FAM76B: variants seen among roughly 807,000 people sequenced by gnomAD.
FAM76B encodes the protein protein FAM76B.
FAM76B carries 16 observed loss-of-function variants against 51.8 expected under a neutral mutation model. The observed-to-expected ratio is 0.31, with a 90% CI of 0.21 to 0.47. The LOEUF (loss-of-function observed/expected upper bound fraction) is 0.47. Ranked by LOEUF, FAM76B falls within the 20% of genes least tolerant of loss-of-function variation. FAM76B has a pLI of 1.00. For synonymous variants in FAM76B, 166 were observed against 129.5 expected (o/e 1.28, Z -1.91); for missense variants, 342 against 392.6 (o/e 0.87, Z 1.09).
At chr11:95,775,380 G>A (rs1859953363) in intron 9 of FAM76B, among the ~76,000 whole-genome samples, 1 of 151,366 alleles carries the variant, frequency 6.6e-6, no homozygotes, top group Non-Finnish European at 1.5e-5. Flanking sequence ...GCAGTACTCT[G>A]AGGTTCAGGT....
intron 3 of FAM76B, chr11:95,786,495 G>C (rs144140679): frequency 1.7e-5 from 7 of 422,762 alleles, no homozygotes; most frequent in Non-Finnish European, 2.9e-5. Context: ...CTCTAAGATC[G>C]TGAGAAATAG....
Position 95,779,679 on chromosome 11 carries a change from G to A in FAM76B, c.620C>T (p.Ser207Phe), listed in dbSNP as rs1860168567. ...EQGLWKQSHK[S>F]SATIQNETPK... ...AGTTTCATTCTGAATTGTTGCAGAGGATTTATGGCTGAAACCAAACATTAA... is the reference window on the plus strand; with the variant it reads ...AGTTTCATTCTGAATTGTTGCAGAGAATTTATGGCTGAAACCAAACATTAA... The change falls in exon 7 of 10, where the codon TCC (serine) becomes TTC (phenylalanine). Residue 207 changes from serine (S) to phenylalanine (F), a missense_variant. Transcript: ENST00000358780. The A allele has an allele frequency of 1.2e-6, 2 of 1,608,526 alleles. No individual in the cohort carries two copies. The highest frequency in any genetic ancestry group is 1.7e-6 in the Non-Finnish European group (2 of 1,177,516).
rs965044449 is a variant in FAM76B, at chr11:95,770,052, A to G, written c.*1509T>C. ...AAAACAAAACCTTTAAAACTTATAA[A>G]TTTAGTAACAGTTTTACATGAAGCA... On this transcript the variant is annotated 3_prime_UTR_variant, in exon 10 of 10. Coordinates refer to ENST00000358780, the MANE Select transcript of FAM76B (RefSeq NM_144664.5). The G allele has an allele frequency of 1.2e-4, 18 of 151,576 alleles. No individual in the cohort carries two copies. Among genetic ancestry groups the G allele is most frequent in the African/African-American group, 4.3e-4 (18 of 41,384 alleles). 9.4% of individuals were successfully genotyped at this position (151,576 alleles called of 1,614,324 possible). A position where few individuals can be genotyped will look rare whatever the true frequency, so the allele number is the denominator to read the frequency against.
At position 95,788,571 on chromosome 11, in the gene FAM76B, A is replaced by G. The variant is rs1333195291; in HGVS notation, c.88-8T>C. On this transcript the variant is annotated splice_region_variant and splice_polypyrimidine_tract_variant and intron_variant, in intron 1 of 9. Transcript: ENST00000358780. ...ATGTGCAATCCGACATTCCTGTAAT[A>G]AGACAATACATTAGTCAGTATCTTT... is the stretch of plus-strand genomic sequence containing the variant. 6.2e-7 allele frequency: 1 copy of G among 1,608,614 alleles called. No individual in the cohort carries two copies. Among genetic ancestry groups the G allele is most frequent in the Non-Finnish European group, 8.5e-7 (1 of 1,176,450 alleles).
intron 9 of FAM76B, among the ~76,000 whole-genome samples, chr11:95,774,575 C>T (rs951964609): frequency 6.6e-6 from 1 of 151,390 alleles, no homozygotes; most frequent in Non-Finnish European, 1.5e-5. Context: ...GGTTACATTA[C>T]ATTAAATCAA....
At chr11:95,779,030 T>C in intron 7 of FAM76B, 73 bp from the exon 8 acceptor site, 4 of 1,596,674 alleles carry the variant, frequency 2.5e-6, no homozygotes, top group Admixed American at 3.4e-5. Flanking sequence ...TTGCATAAAT[T>C]AGACAATTCC....
At chr11:95,776,554 T>C (rs536447509) in intron 8 of FAM76B, among the ~76,000 whole-genome samples, 1 of 151,118 alleles carries the variant, frequency 6.6e-6, no homozygotes, top group Non-Finnish European at 1.5e-5. Flanking sequence ...ACCTAACACT[T>C]GAGGTAAAAA....
At chr11:95,775,265 T>C (rs1158414975) in intron 9 of FAM76B, among the ~76,000 whole-genome samples, 1 of 151,488 alleles carries the variant, frequency 6.6e-6, no homozygotes, top group African/African-American at 2.4e-5. Context: ...GCATTCTGTA[T>C]CCATGTTGGA....
rs572732888 is a variant in FAM76B at position 95,782,908 on chromosome 11, G to C, written c.563+157C>G. Among the ~76,000 whole-genome samples, 3 of 152,222 alleles carry C rather than the reference G, an allele frequency of 2.0e-5. No homozygotes were observed. The South Asian group carries it at 6.2e-4, about 32-fold the overall frequency. ...TTTCATGTATATAACATTCTACACT[G>C]AATAAAATGGAGACACAGCCTTAGA... is the stretch of plus-strand genomic sequence containing the variant. On this transcript the variant is annotated intron_variant, in intron 5 of 9. Transcript: ENST00000358780.
In FAM76B at chr11:95,789,388, G is replaced by A. The variant is rs1044507851; in HGVS notation, c.87+4C>T. On this transcript the variant is annotated splice_donor_region_variant and intron_variant, in intron 1 of 9. Transcript: ENST00000358780. ...ATCCCGCCCGCCTCCCGGAGCCCACGGACCTTGCAGAGCTGCTGGCCCTGG... is the reference window on the plus strand; with the variant it reads ...ATCCCGCCCGCCTCCCGGAGCCCACAGACCTTGCAGAGCTGCTGGCCCTGG... 8.2e-6 allele frequency: 13 copies of A among 1,594,028 alleles called. No individual in the cohort carries two copies. Among genetic ancestry groups the A allele is most frequent in the Non-Finnish European group, 1.1e-5 (13 of 1,170,762 alleles).
intron 4 of FAM76B, 39 bp downstream of exon 4, chr11:95,786,080 T>A: frequency 6.3e-7 from 1 of 1,578,386 alleles, no homozygotes; most frequent in African/African-American, 1.4e-5. Flanking sequence ...GGCATTTTAT[T>A]TAATTTCCAG....
intron 5 of FAM76B, 61 bp downstream of exon 5, chr11:95,783,004 T>A: frequency 6.3e-7 from 1 of 1,589,602 alleles, no homozygotes; most frequent in Non-Finnish European, 8.6e-7. Context: ...GAAGTAAACA[T>A]CAATAAATGG....
chr11:95,789,416 G>C lies in FAM76B; in HGVS notation c.63C>G (p.Leu21=), dbSNP rs776348862. The C allele has an allele frequency of 5.6e-6, 9 of 1,607,442 alleles. No homozygotes were observed. The highest frequency in any genetic ancestry group is 1.1e-5 in the South Asian group (1 of 89,756). Reference sequence around the variant, plus strand: ...CCTTGCAGAGCTGCTGGCCCTGGGAGAGCTCCTCGAAAGGATAACGCTGGG... The same window carrying C: ...CCTTGCAGAGCTGCTGGCCCTGGGACAGCTCCTCGAAAGGATAACGCTGGG... The part of the protein sequence containing the change: ...KCTQRYPFEE[L]SQGQQLCKEC... Residue 21 remains leucine (L), a synonymous_variant, in exon 1 of 10, where the codon CTC becomes CTG. Transcript: ENST00000358780.
At chr11:95,776,543 C>T (rs550587898) in intron 8 of FAM76B, among the ~76,000 whole-genome samples, 303 of 151,336 alleles carry the variant, frequency 2.0e-3, no homozygotes, top group African/African-American at 6.8e-3. Flanking sequence ...TACACAATAC[C>T]ACCTAACACT....
chr11:95,773,060 AGTTAT>A (rs1565283632), intron 9 of FAM76B, among the ~76,000 whole-genome samples: 2 of 151,314 alleles, frequency 1.3e-5, no homozygotes, highest in East Asian at 1.9e-4. Flanking sequence ...AGATCTGTTA[AGTTAT>A]ATTTATCTAA....
chr11:95,788,603 G>T, intron 1 of FAM76B, 40 bp from the exon 2 acceptor site: 1 of 1,563,084 alleles, frequency 6.4e-7, no homozygotes, highest in Non-Finnish European at 8.7e-7. Flanking sequence ...CTTTCTGAAA[G>T]TCCCAAATCT....
chr11:95,783,332 A>G, intron 4 of FAM76B, 68 bp from the exon 5 acceptor site: 1 of 1,371,440 alleles, frequency 7.3e-7, no homozygotes, highest in Non-Finnish European at 1.0e-6. Context: ...CAGGTAAGAT[A>G]AACCACTCAA....
chr11:95,775,792 G>C, intron 9 of FAM76B, 130 bp downstream of exon 9: 2 of 477,628 alleles, frequency 4.2e-6, no homozygotes, highest in Non-Finnish European at 7.2e-6. Flanking sequence ...TGATTATAAA[G>C]TCAAAATCAA....
At chr11:95,780,518 ACTCATAATTAATACTGTAATACTC>A (rs1401089334) in intron 5 of FAM76B, among the ~76,000 whole-genome samples, 1 of 151,914 alleles carries the variant, frequency 6.6e-6, no homozygotes, top group East Asian at 1.9e-4. Context: ...TTTTACTTTT[ACTCATAATTAATACTGTAATACTC>A]CTTTTCTATT....
Sources: allele counts gnomAD v4.1 joint callset (sites outside exome capture counted in the v4.1 genomes callset), GRCh38; gene constraint gnomAD v4.1.1; transcripts MANE v1.5; gene names NCBI Gene and HGNC (gene_info 2026-07-23, HGNC 2026-07-21).